NTRK3: variants seen among roughly 807,000 people sequenced by gnomAD.
The protein encoded by NTRK3 is neurotrophic receptor tyrosine kinase 3, also known as NT-3 growth factor receptor.
NTRK3 carries 24 observed loss-of-function variants against 91.7 expected under a neutral mutation model. The observed-to-expected ratio is 0.26, with a 90% CI of 0.19 to 0.37. The LOEUF (loss-of-function observed/expected upper bound fraction) is 0.37, where lower values mean the gene tolerates loss of function less well. Among genes scored for constraint, NTRK3 ranks in the 10% least tolerant of loss-of-function variants. The probability of loss-of-function intolerance (pLI) is 1.00; values close to 1 mark genes in which losing one functional copy is unlikely to be tolerated. For synonymous variants in NTRK3, 483 were observed against 404.0 expected (o/e 1.20, Z -2.34); for missense variants, 880 against 1,068.9 (o/e 0.82, Z 2.46).
intron 17 of NTRK3, among the ~76,000 whole-genome samples, chr15:87,915,078 T>G (rs1169569678): frequency 2.0e-5 from 3 of 151,736 alleles, no homozygotes; most frequent in Admixed American, 6.6e-5. Flanking sequence ...GGTGATGGTG[T>G]TGGTGATGAT....
At chr15:88,021,415 C>T (rs2077579579) in intron 14 of NTRK3, among the ~76,000 whole-genome samples, 4 of 152,168 alleles carry the variant, frequency 2.6e-5, no homozygotes, top group Admixed American at 2.6e-4. Context: ...TACAGAGATG[C>T]TAACAGGTAT....
At chr15:87,904,410 C>T (rs1247478312) in intron 17 of NTRK3, among the ~76,000 whole-genome samples, 1 of 152,172 alleles carries the variant, frequency 6.6e-6, no homozygotes, top group Non-Finnish European at 1.5e-5. Context: ...TCCGCCTCGG[C>T]CTCCCAAAGT....
chr15:87,869,276 G>A (rs2064764903), exon 19 of NTRK3: 1 of 230,490 alleles, frequency 4.3e-6, no homozygotes, highest in East Asian at 6.1e-5. Context: ...CAGAGTCAGT[G>A]GGGAGAGGAG....
intron 13 of NTRK3, among the ~76,000 whole-genome samples, chr15:88,098,372 G>A (rs184115016): frequency 3.1e-4 from 47 of 152,308 alleles, no homozygotes; most frequent in African/African-American, 1.1e-3. Flanking sequence ...GCTGGACTAC[G>A]CATGCCATCA....
At position 88,235,493 on chromosome 15, in the gene NTRK3, G is replaced by C. The variant is rs999012855; in HGVS notation, c.248+20413C>G. 2.0e-5 allele frequency among the ~76,000 whole-genome samples: 3 copies of C among 152,172 alleles called. No individual in the cohort carries two copies. Among genetic ancestry groups the C allele is most frequent in the African/African-American group, 7.2e-5 (3 of 41,436 alleles). On this transcript the variant is annotated intron_variant, in intron 3 of 18. Coordinates refer to ENST00000394480, the Ensembl canonical transcript of NTRK3. This position sits in a 1 kb window ranked among gnomAD's most constrained non-coding sequence, Gnocchi z 5.2. ...CAAGCCCAGGGGAGTTGCCTTTCTG[G>C]TGGGACCAGGCCCTCTTCGAGTGGC... is the stretch of plus-strand genomic sequence containing the variant.
At chr15:88,061,604 C>T (rs887207970) in intron 13 of NTRK3, among the ~76,000 whole-genome samples, 9 of 152,250 alleles carry the variant, frequency 5.9e-5, no homozygotes, top group Non-Finnish European at 1.2e-4. Context: ...CGGACACTCA[C>T]GCCCCCGCAG....
intron 8 of NTRK3, 74 bp downstream of exon 8, chr15:88,136,393 T>A (rs2041880900): frequency 6.2e-7 from 1 of 1,600,468 alleles, no homozygotes; most frequent in Non-Finnish European, 8.6e-7. Flanking sequence ...AGACCGCAAA[T>A]TTTCCCTCTT....
intron 17 of NTRK3, chr15:87,928,952 A>C: frequency 1.6e-6 from 1 of 612,392 alleles, no homozygotes. Flanking sequence ...TGTTATTGCA[A>C]TGTACAGATT....
At chr15:87,937,276 C>G (rs1490179478) in intron 15 of NTRK3, among the ~76,000 whole-genome samples, 1 of 152,160 alleles carries the variant, frequency 6.6e-6, no homozygotes, top group Non-Finnish European at 1.5e-5. Flanking sequence ...AATGTAATTA[C>G]TTAATGTAAT....
intron 14 of NTRK3, among the ~76,000 whole-genome samples, chr15:88,012,483 G>A (rs537200782): frequency 2.0e-5 from 3 of 152,226 alleles, no homozygotes; most frequent in South Asian, 2.1e-4. Flanking sequence ...GAAATAGCAC[G>A]GAAATCACAG....
chr15:87,898,149 T>C (rs188173691), intron 17 of NTRK3, among the ~76,000 whole-genome samples: 233 of 152,322 alleles, frequency 1.5e-3, no homozygotes, highest in Non-Finnish European at 2.9e-4. Flanking sequence ...TACACAGCAC[T>C]TCCTATTTTT....
chr15:87,960,668 G>A (rs897214955), intron 14 of NTRK3, among the ~76,000 whole-genome samples: 7 of 151,968 alleles, frequency 4.6e-5, no homozygotes, highest in Non-Finnish European at 8.8e-5. Context: ...TATTTTTAGT[G>A]GAGATGGTGT....
intron 3 of NTRK3, among the ~76,000 whole-genome samples, chr15:88,216,191 C>T (rs2049750321): frequency 6.6e-6 from 1 of 152,132 alleles, no homozygotes; most frequent in Non-Finnish European, 1.5e-5. Context: ...TGTTGTAGCT[C>T]ACTGGGGCAG....
chr15:88,155,662 A>G (rs945790429), intron 5 of NTRK3, among the ~76,000 whole-genome samples: 1 of 152,238 alleles, frequency 6.6e-6, no homozygotes, highest in Non-Finnish European at 1.5e-5. Context: ...AGTACTCTCC[A>G]GTATAGATAT....
intron 13 of NTRK3, among the ~76,000 whole-genome samples, chr15:88,065,352 C>CT (rs2046560889): frequency 1.3e-5 from 2 of 152,178 alleles, no homozygotes; most frequent in Non-Finnish European, 2.9e-5. Flanking sequence ...GTTCAGAGCA[C>CT]TTTAAGACTA....
intron 13 of NTRK3, among the ~76,000 whole-genome samples, chr15:88,096,301 A>G (rs1341053862): frequency 6.6e-6 from 1 of 152,094 alleles, no homozygotes; most frequent in African/African-American, 2.4e-5. Context: ...CATCATTTAC[A>G]TTTTGCCTGG....
chr15:87,898,976 A>T, intron 17 of NTRK3, among the ~76,000 whole-genome samples: 1 of 152,142 alleles, frequency 6.6e-6, no homozygotes, highest in East Asian at 1.9e-4. Context: ...CTTCTTGCAA[A>T]TATTTATAAG....
exon 12 of NTRK3, chr15:88,127,221 C>T (rs143617169): frequency 2.5e-6 from 4 of 1,613,926 alleles, no homozygotes; most frequent in East Asian, 2.2e-5. Context: ...GGACTCACTT[C>T]GTCAACTGAA....
intron 14 of NTRK3, among the ~76,000 whole-genome samples, chr15:87,980,471 ATG>A (rs561517229): frequency 6.6e-6 from 1 of 151,914 alleles, no homozygotes; most frequent in African/African-American, 2.4e-5. Flanking sequence ...TTTCATGTGG[ATG>A]TGTGTATGTG....
Sources: gnomAD v4.1 joint callset for allele counts (sites outside exome capture counted in the v4.1 genomes callset) on GRCh38, gnomAD v4.1.1 for gene constraint, Gnocchi (gnomAD v3.1) non-coding constraint, MANE v1.5 for transcripts, NCBI Gene and HGNC (gene_info 2026-07-23, HGNC 2026-07-21) for gene names.